CDH17: variants seen among roughly 807,000 people sequenced by gnomAD.
CDH17 encodes the protein cadherin-17.
A neutral mutation model predicts 86.3 loss-of-function variants in CDH17; 67 were observed. That is an observed-to-expected ratio of 0.78 (90% CI 0.64 to 0.95). CDH17 has a LOEUF of 0.95. Among genes scored for constraint, CDH17 ranks in the 40% least tolerant of loss-of-function variants. CDH17 has a pLI of 0.00. For missense variants in CDH17, 993 were observed against 1,017.6 expected, an observed-to-expected ratio of 0.98 and a Z score of 0.33; for synonymous variants, 367 against 366.4, an observed-to-expected ratio of 1.00 and a Z score of -0.02.
rs1390951717 is a variant in CDH17, at chr8:94,200,532, CTTTTGTT to C, written c.-20-5834_-20-5828del. Among the ~76,000 whole-genome samples the C allele has an allele frequency of 3.6e-3, 183 of 50,220 alleles. 14 individuals carry two copies. The highest frequency in any genetic ancestry group is 0.012 in the African/African-American group (158 of 12,780). The allele number at this position is 50,220 out of a possible 152,430, so 32.9% of individuals were successfully genotyped here. Reference sequence around the variant, plus strand: ...TAGATCAGAGGGTTATTATTATTATCTTTTGTTTTTTTTTTTTTTTTTTTTTTTTTTT... The same window carrying C: ...TAGATCAGAGGGTTATTATTATTATCTTTTTTTTTTTTTTTTTTTTTTTTT... On this transcript the variant is annotated intron_variant, in intron 1 of 17. Transcript: ENST00000027335.
At chr8:94,144,283 G>A (rs1812694898) in intron 15 of CDH17, among the ~76,000 whole-genome samples, 1 of 152,134 alleles carries the variant, frequency 6.6e-6, no homozygotes, top group South Asian at 2.1e-4. Context: ...TGTGAGTATG[G>A]CTCCGGGTGT....
chr8:94,215,863 G>GTT lies in CDH17; in HGVS notation c.-21+1333_-21+1334dup, dbSNP rs11398758. The stretch of plus-strand genomic sequence containing the variant: ...ATTTATTTTCCTTTAAGTATACGAG[G>GTT]TTTTTTTTTTTTTTTTAACTAATTT... On this transcript the variant is annotated intron_variant, in intron 1 of 17. Coordinates refer to the CDH17 transcript ENST00000450165. Among the ~76,000 whole-genome samples, 513 of 140,102 alleles carry GTT rather than the reference G, an allele frequency of 3.7e-3. 2 individuals carry two copies. Among genetic ancestry groups the GTT allele is most frequent in the Middle Eastern group, 0.015 (4 of 266 alleles). The allele number at this position is 140,102 out of a possible 152,430, so 91.9% of individuals were successfully genotyped here. A position where few individuals can be genotyped will look rare whatever the true frequency, so the allele number is the denominator to read the frequency against.
exon 1 of CDH17, chr8:94,217,268 G>A (rs1311325409): frequency 1.3e-5 from 2 of 152,196 alleles, no homozygotes; most frequent in African/African-American, 4.8e-5. Context: ...GATCAACTCA[G>A]ATCCACAGCC....
intron 1 of CDH17, chr8:94,202,647 G>A (rs1813941459): frequency 6.4e-6 from 1 of 156,304 alleles, no homozygotes; most frequent in South Asian, 1.9e-4. Context: ...TGGTCTCGAG[G>A]GCCGTGCTGG....
intron 15 of CDH17, among the ~76,000 whole-genome samples, chr8:94,140,955 C>T (rs2075156020): frequency 6.7e-6 from 1 of 149,576 alleles, no homozygotes. Flanking sequence ...GAAGTAATAC[C>T]AATTTTATGC....
intron 1 of CDH17, among the ~76,000 whole-genome samples, chr8:94,196,175 C>T (rs1467417651): frequency 6.6e-6 from 1 of 152,158 alleles, no homozygotes; most frequent in Non-Finnish European, 1.5e-5. Flanking sequence ...TAAAGTTTTT[C>T]TACATTGAAC....
At chr8:94,174,545 TA>T (rs1266715855) in intron 5 of CDH17, among the ~76,000 whole-genome samples, 1 of 152,236 alleles carries the variant, frequency 6.6e-6, no homozygotes, top group Non-Finnish European at 1.5e-5. Flanking sequence ...CAAGATAATT[TA>T]ATGAATTGTA....
At chr8:94,152,281 C>T (rs2446871) in intron 12 of CDH17, among the ~76,000 whole-genome samples, 169 bp from the exon 13 acceptor site, 2 of 152,034 alleles carry the variant, frequency 1.3e-5, no homozygotes, top group Non-Finnish European at 2.9e-5. Flanking sequence ...TATGAAAATC[C>T]GTTAAAAATA....
chr8:94,170,205 A>G (rs993765765), intron 9 of CDH17, among the ~76,000 whole-genome samples, 192 bp downstream of exon 9: 2 of 152,156 alleles, frequency 1.3e-5, no homozygotes, highest in South Asian at 2.1e-4. Flanking sequence ...AAAAGCCCCA[A>G]TTTAAGAATA....
intron 13 of CDH17, 117 bp downstream of exon 13, chr8:94,151,751 T>C (rs1812859446): frequency 2.2e-6 from 3 of 1,352,632 alleles, no homozygotes; most frequent in Middle Eastern, 2.3e-4. Flanking sequence ...GCCAATTTCA[T>C]CATTGCTGGG....
At chr8:94,159,705 C>G (rs929736304) in intron 12 of CDH17, among the ~76,000 whole-genome samples, 2 of 152,084 alleles carry the variant, frequency 1.3e-5, no homozygotes, top group African/African-American at 2.4e-5. Flanking sequence ...AAAAATTGTT[C>G]ATCCTGCATT....
At chr8:94,217,213 A>G (rs376672090) in exon 1 of CDH17, 37 of 151,334 alleles carry the variant, frequency 2.4e-4, no homozygotes, top group East Asian at 1.7e-3. Flanking sequence ...AGGAGCCCCA[A>G]TCAGACAAGC....
chr8:94,141,036 A>G (rs1812627115), intron 15 of CDH17, among the ~76,000 whole-genome samples: 1 of 152,154 alleles, frequency 6.6e-6, no homozygotes. Flanking sequence ...ATATAGAGAG[A>G]GACCAACATC....
chr8:94,130,578 T>C (rs1414876216), intron 17 of CDH17, 48 bp downstream of exon 17: 2 of 1,322,376 alleles, frequency 1.5e-6, no homozygotes, highest in South Asian at 2.6e-5. Flanking sequence ...TGAGCTCACA[T>C]TTCTGAGGCC....
At chr8:94,140,452 C>T (rs1017054522) in intron 15 of CDH17, among the ~76,000 whole-genome samples, 2 of 151,922 alleles carry the variant, frequency 1.3e-5, no homozygotes, top group African/African-American at 2.4e-5. Context: ...GCTAATGTGA[C>T]ACCTAAGATA....
chr8:94,216,749 C>A (rs1206552049), intron 1 of CDH17, among the ~76,000 whole-genome samples: 1 of 152,172 alleles, frequency 6.6e-6, no homozygotes, highest in East Asian at 1.9e-4. Flanking sequence ...CAATACTTGA[C>A]TAGAAGTTAT....
At chr8:94,167,328 C>G (rs1487138851) in intron 9 of CDH17, among the ~76,000 whole-genome samples, 1 of 152,102 alleles carries the variant, frequency 6.6e-6, no homozygotes, top group Non-Finnish European at 1.5e-5. Context: ...TTATATGTAG[C>G]AAGAATCCCA....
intron 10 of CDH17, 75 bp downstream of exon 10, chr8:94,165,686 A>C (rs1813137934): frequency 1.0e-6 from 1 of 970,468 alleles, no homozygotes; most frequent in Admixed American, 1.7e-5. Flanking sequence ...CATACCAGAC[A>C]TTAGCGCAGG....
intron 2 of CDH17, among the ~76,000 whole-genome samples, chr8:94,190,350 A>G (rs1038823934): frequency 2.0e-5 from 3 of 152,206 alleles, no homozygotes; most frequent in Non-Finnish European, 4.4e-5. Context: ...GATGTGCATG[A>G]GAGTGTGACT....
Sources: allele counts gnomAD v4.1 joint callset (sites outside exome capture counted in the v4.1 genomes callset), GRCh38; gene constraint gnomAD v4.1.1; transcripts MANE v1.5; gene names NCBI Gene and HGNC (gene_info 2026-07-23, HGNC 2026-07-21).